SHISA9: variants seen among roughly 807,000 people sequenced by gnomAD.
The protein encoded by SHISA9 is protein shisa-9.
A neutral mutation model predicts 38.0 loss-of-function variants in SHISA9; 13 were observed. The ratio of observed to expected loss-of-function variants is 0.34; its 90% CI spans 0.22 to 0.54. The LOEUF (loss-of-function observed/expected upper bound fraction) is 0.54, where lower values mean the gene tolerates loss of function less well. Among genes scored for constraint, SHISA9 ranks in the 20% least tolerant of loss-of-function variants. The probability of loss-of-function intolerance (pLI) is 0.91; values close to 1 mark genes in which losing one functional copy is unlikely to be tolerated. For synonymous variants in SHISA9, 275 were observed against 242.0 expected (o/e 1.14, Z -1.27); for missense variants, 538 against 575.8 (o/e 0.93, Z 0.67).
chr16:13,553,682 G>GA, the SHISA9 span, among the ~76,000 whole-genome samples: 558 of 150,320 alleles, frequency 3.7e-3, 1 homozygote, highest in African/African-American at 0.011. Context: ...TAAAAAAAAA[G>GA]AAAAAAAAAA....
the SHISA9 span, among the ~76,000 whole-genome samples, chr16:13,411,198 G>A: frequency 1.3e-5 from 2 of 152,140 alleles, no homozygotes; most frequent in East Asian, 3.9e-4. Flanking sequence ...CCTTAAGTGA[G>A]ATAATGAATA....
At chr16:13,336,199 C>G in the SHISA9 span, among the ~76,000 whole-genome samples, 5 of 152,248 alleles carry the variant, frequency 3.3e-5, no homozygotes, top group Non-Finnish European at 5.9e-5. Context: ...TCACCAGAAC[C>G]AATTTTCTCC....
intron 2 of SHISA9, among the ~76,000 whole-genome samples, chr16:12,960,901 G>T (rs892187158): frequency 1.3e-5 from 2 of 152,100 alleles, no homozygotes; most frequent in Non-Finnish European, 2.9e-5. Context: ...TGGGGACTCA[G>T]TGATGAATTA....
the SHISA9 span, among the ~76,000 whole-genome samples, chr16:13,404,191 A>G: frequency 6.6e-6 from 1 of 152,308 alleles, no homozygotes; most frequent in South Asian, 2.1e-4. Context: ...TGACGTATCT[A>G]GGGTATCTGT....
At chr16:13,407,070 C>CAAAA in the SHISA9 span, among the ~76,000 whole-genome samples, 86 of 45,624 alleles carry the variant, frequency 1.9e-3, 3 homozygotes, top group African/African-American at 6.3e-3. Flanking sequence ...CTCTGTCTCA[C>CAAAA]AAAAAAAAAA....
intron 2 of SHISA9, among the ~76,000 whole-genome samples, chr16:13,173,971 G>C (rs944637556): frequency 2.0e-5 from 3 of 152,094 alleles, no homozygotes; most frequent in Non-Finnish European, 2.9e-5. Flanking sequence ...GCTGACTGAG[G>C]AGTCGGAGTC....
chr16:13,147,700 G>T (rs2050459921), intron 2 of SHISA9, among the ~76,000 whole-genome samples: 1 of 152,156 alleles, frequency 6.6e-6, no homozygotes, highest in Non-Finnish European at 1.5e-5. Context: ...GACCTCAGGT[G>T]ATCTGCCTGC....
At chr16:13,512,607 T>G in the SHISA9 span, among the ~76,000 whole-genome samples, 1 of 152,120 alleles carries the variant, frequency 6.6e-6, no homozygotes, top group Non-Finnish European at 1.5e-5. Flanking sequence ...GACTTCAAAC[T>G]ATACTACAAG....
rs145006833 is a variant in SHISA9, at chr16:12,918,721, C to T, written c.691+1906C>T. Among the ~76,000 whole-genome samples, 11 of 152,254 alleles carry T rather than the reference C, an allele frequency of 7.2e-5. 1 individual carries two copies. The highest frequency in any genetic ancestry group is 1.9e-4 in the African/African-American group (8 of 41,542). On this transcript the variant is annotated intron_variant, in intron 2 of 4. Transcript: ENST00000558583. ...TTTTACATCAAGGGAGAAAGTGTCTCATAATAGTGTACTGGGTAGCACTAG... is the reference window on the plus strand; with the variant it reads ...TTTTACATCAAGGGAGAAAGTGTCTTATAATAGTGTACTGGGTAGCACTAG...
At position 13,235,328 on chromosome 16, in the gene SHISA9, C is replaced by T. The variant is rs1288076337; in HGVS notation, c.1194C>T (p.Asp398=). The T allele has an allele frequency of 3.9e-6, 6 of 1,547,972 alleles. No individual in the cohort carries two copies. The highest frequency in any genetic ancestry group is 5.2e-6 in the Non-Finnish European group (6 of 1,146,990). The change falls in exon 5 of 5, where the codon GAC becomes GAT. Residue 398 remains aspartate (D), a synonymous_variant. Transcript: ENST00000558583. ...GCACGGCCGAGACAGGCTCCAGCGA[C>T]CCCTTGGGAACTCGCCCCCAGCACT... ...KLGTAETGSS[D]PLGTRPQHYP...
chr16:13,533,971 G>T, the SHISA9 span, among the ~76,000 whole-genome samples: 9 of 152,114 alleles, frequency 5.9e-5, no homozygotes, highest in African/African-American at 2.2e-4. Flanking sequence ...TTTTAGTAGA[G>T]ACAGGGTTTC....
the SHISA9 span, among the ~76,000 whole-genome samples, chr16:13,389,016 CCT>C: frequency 6.6e-6 from 1 of 152,134 alleles, no homozygotes; most frequent in East Asian, 1.9e-4. Flanking sequence ...CATAGCCTCC[CCT>C]GTCATTAACA....
At chr16:13,470,115 ATATTTT>A in the SHISA9 span, among the ~76,000 whole-genome samples, 2 of 152,268 alleles carry the variant, frequency 1.3e-5, no homozygotes, top group South Asian at 4.2e-4. Context: ...AAAGTTTTTA[ATATTTT>A]TATTTATTCA....
At chr16:13,455,174 CT>C in the SHISA9 span, among the ~76,000 whole-genome samples, 3 of 152,016 alleles carry the variant, frequency 2.0e-5, no homozygotes, top group African/African-American at 7.3e-5. Flanking sequence ...AGTATTTTTC[CT>C]TCTCCAGAAT....
At chr16:12,985,855 A>G (rs955611936) in intron 2 of SHISA9, among the ~76,000 whole-genome samples, 1 of 152,192 alleles carries the variant, frequency 6.6e-6, no homozygotes, top group Non-Finnish European at 1.5e-5. Flanking sequence ...GTATATAAAG[A>G]GCCAGAAATG....
chr16:13,286,134 C>T, the SHISA9 span, among the ~76,000 whole-genome samples: 1 of 152,078 alleles, frequency 6.6e-6, no homozygotes, highest in Non-Finnish European at 1.5e-5. Flanking sequence ...AAGCCCCCTC[C>T]CCTCTTGAGT....
the SHISA9 span, among the ~76,000 whole-genome samples, chr16:13,525,733 T>C: frequency 6.6e-6 from 1 of 152,376 alleles, no homozygotes; most frequent in African/African-American, 2.4e-5. Flanking sequence ...TTCCCTAATA[T>C]GCATTAAAAT....
chr16:13,159,922 C>T (rs1002310254), intron 2 of SHISA9, among the ~76,000 whole-genome samples: 6 of 152,222 alleles, frequency 3.9e-5, no homozygotes, highest in African/African-American at 1.4e-4. Flanking sequence ...ATGTGCCAGG[C>T]ACTGGAAATA....
the SHISA9 span, among the ~76,000 whole-genome samples, chr16:13,363,336 G>T: frequency 6.6e-6 from 1 of 152,266 alleles, no homozygotes; most frequent in East Asian, 1.9e-4. Context: ...AGTCTCCTTC[G>T]TTTGCCGTTT....
Sources: gnomAD v4.1 joint callset for allele counts (sites outside exome capture counted in the v4.1 genomes callset) on GRCh38, gnomAD v4.1.1 for gene constraint, MANE v1.5 for transcripts, NCBI Gene and HGNC (gene_info 2026-07-23, HGNC 2026-07-21) for gene names.